Variants in MDGA2 observed in about 807,000 individuals in gnomAD.
The protein encoded by MDGA2 is MAM domain containing glycosylphosphatidylinositol anchor 2.
Under a neutral mutation model 117.8 loss-of-function variants are expected in MDGA2, and 40 were observed. The observed-to-expected ratio is 0.34, with a 90% CI of 0.26 to 0.44. The LOEUF is 0.44. Among genes scored for constraint, MDGA2 ranks in the 20% least tolerant of loss-of-function variants. The pLI, the probability that MDGA2 is intolerant of heterozygous loss-of-function variation, is 1.00. For synonymous variants in MDGA2, 452 were observed against 439.0 expected (o/e 1.03, Z -0.37); for missense variants, 1,123 against 1,250.6 (o/e 0.90, Z 1.54).
intron 3 of MDGA2, among the ~76,000 whole-genome samples, chr14:47,191,735 G>T (rs1245170093): frequency 6.6e-6 from 1 of 151,948 alleles, no homozygotes; most frequent in Non-Finnish European, 1.5e-5. Context: ...TGCAATTAAT[G>T]GACACATCAT....
At chr14:47,034,315 A>T (rs560162984) in intron 8 of MDGA2, among the ~76,000 whole-genome samples, 1 of 152,314 alleles carries the variant, frequency 6.6e-6, no homozygotes, top group African/African-American at 2.4e-5. Context: ...CTACATTTTT[A>T]ATTAGAACTA....
At chr14:47,366,649 T>G (rs2138381698) in intron 1 of MDGA2, among the ~76,000 whole-genome samples, 1 of 152,178 alleles carries the variant, frequency 6.6e-6, no homozygotes, top group African/African-American at 2.4e-5. Flanking sequence ...TACTATATTT[T>G]TAAAGTATAT....
intron 9 of MDGA2, among the ~76,000 whole-genome samples, chr14:46,929,580 C>CGT (rs375013114): frequency 0.017 from 551 of 32,946 alleles, 13 homozygotes; most frequent in African/African-American, 0.028. Context: ...AGTATATATA[C>CGT]GTGTGTGTGT....
intron 8 of MDGA2, among the ~76,000 whole-genome samples, chr14:47,017,682 T>A (rs971329308): frequency 3.9e-5 from 6 of 151,972 alleles, no homozygotes; most frequent in Non-Finnish European, 8.8e-5. Flanking sequence ...TTAAAAAAAA[T>A]TGCCCTCATT....
intron 8 of MDGA2, among the ~76,000 whole-genome samples, chr14:46,996,173 A>G (rs149582621): frequency 1.6e-4 from 25 of 152,290 alleles, no homozygotes; most frequent in African/African-American, 5.8e-4. Flanking sequence ...AAGTTTTGCC[A>G]TTGCTTTCAA....
intron 5 of MDGA2, among the ~76,000 whole-genome samples, chr14:47,106,620 C>T (rs528361228): frequency 1.3e-5 from 2 of 152,074 alleles, no homozygotes; most frequent in Non-Finnish European, 2.9e-5. Flanking sequence ...CTCTGACTGA[C>T]TCCTTCCCAG....
At chr14:47,654,543 A>G (rs887366246) in intron 1 of MDGA2, among the ~76,000 whole-genome samples, 2 of 152,108 alleles carry the variant, frequency 1.3e-5, no homozygotes, top group Non-Finnish European at 2.9e-5. Flanking sequence ...CCCAGCCAAT[A>G]TGTTCCAGTA....
At chr14:47,373,229 C>T (rs539809384) in intron 1 of MDGA2, among the ~76,000 whole-genome samples, 24 of 151,914 alleles carry the variant, frequency 1.6e-4, no homozygotes, top group Non-Finnish European at 2.9e-4. Flanking sequence ...CTAATTCATT[C>T]AATTAGCTTT....
chr14:47,189,051 G>A (rs1259572191), intron 3 of MDGA2, among the ~76,000 whole-genome samples: 1 of 152,056 alleles, frequency 6.6e-6, no homozygotes, highest in Non-Finnish European at 1.5e-5. Flanking sequence ...GTTGTTGTTG[G>A]TGACAGCTCA....
intron 3 of MDGA2, among the ~76,000 whole-genome samples, chr14:47,175,448 A>C (rs1884395361): frequency 6.7e-6 from 1 of 148,908 alleles, no homozygotes; most frequent in Non-Finnish European, 1.5e-5. Flanking sequence ...AAGCTTATCC[A>C]CCATGATCAA....
intron 2 of MDGA2, among the ~76,000 whole-genome samples, chr14:47,275,242 T>C (rs1202678987): frequency 6.6e-6 from 1 of 152,186 alleles, no homozygotes; most frequent in Non-Finnish European, 1.5e-5. Flanking sequence ...CATGATATAC[T>C]GTGAATTCCT....
rs139455194 is a variant in MDGA2 at position 47,246,437 on chromosome 14, T to G, written c.421-28242A>C. ...TCAATACCCTCCAGAAGGCTGCAAT[T>G]TCCCAAACTCCTTTCAGGCAACTCA... On this transcript the variant is annotated intron_variant, in intron 2 of 16. Transcript: ENST00000399232. Among the ~76,000 whole-genome samples the G allele has an allele frequency of 6.3e-4, 96 of 151,902 alleles. 2 individuals carry two copies. Among genetic ancestry groups the G allele is most frequent in the African/African-American group, 2.2e-3 (92 of 41,510 alleles).
intron 9 of MDGA2, among the ~76,000 whole-genome samples, chr14:46,943,873 A>T: frequency 6.6e-6 from 1 of 152,224 alleles, no homozygotes; most frequent in Non-Finnish European, 1.5e-5. Flanking sequence ...TGGCTGTAGC[A>T]TGAAAGCAGC....
At position 47,123,155 on chromosome 14, in the gene MDGA2, T is replaced by C. The variant is rs1176079781; in HGVS notation, c.925+8559A>G. On this transcript the variant is annotated intron_variant, in intron 5 of 16. Transcript: ENST00000399232. ...AAGGCTGTTTATTGTATCTGGATTA[T>C]GATATCTTCTGGGAGAGTTACTAGT... Among the ~76,000 whole-genome samples the C allele has an allele frequency of 5.3e-5, 8 of 152,186 alleles. No individual in the cohort carries two copies. In the East Asian group the frequency reaches 1.4e-3, roughly 26 times the overall value.
At chr14:47,093,877 AG>A (rs1403609949) in intron 6 of MDGA2, among the ~76,000 whole-genome samples, 3 of 152,114 alleles carry the variant, frequency 2.0e-5, no homozygotes, top group African/African-American at 7.2e-5. Context: ...ATGCTTACTC[AG>A]AAACCTGGTC....
At chr14:47,672,581 T>C (rs1049352274) in intron 1 of MDGA2, among the ~76,000 whole-genome samples, 4 of 152,136 alleles carry the variant, frequency 2.6e-5, no homozygotes, top group Non-Finnish European at 4.4e-5. Context: ...GTCCCCAACC[T>C]TTCTCACTTC....
At chr14:47,404,415 A>G (rs915610128) in intron 1 of MDGA2, among the ~76,000 whole-genome samples, 1 of 151,608 alleles carries the variant, frequency 6.6e-6, no homozygotes, top group Non-Finnish European at 1.5e-5. Context: ...CGAACTTCTG[A>G]CCTCAAGTGA....
intron 7 of MDGA2, among the ~76,000 whole-genome samples, chr14:47,051,649 T>C (rs1434662806): frequency 6.6e-6 from 1 of 151,872 alleles, no homozygotes; most frequent in Non-Finnish European, 1.5e-5. Context: ...ATTCCAACTG[T>C]AAAATGAAAC....
chr14:47,421,700 A>C (rs1474177760), intron 1 of MDGA2, among the ~76,000 whole-genome samples: 1 of 152,130 alleles, frequency 6.6e-6, no homozygotes, highest in Non-Finnish European at 1.5e-5. Context: ...GAGGAAACAA[A>C]ATCAAATTTA....
Sources: allele counts gnomAD v4.1 joint callset (sites outside exome capture counted in the v4.1 genomes callset), GRCh38; gene constraint gnomAD v4.1.1; transcripts MANE v1.5; gene names NCBI Gene and HGNC (gene_info 2026-07-23, HGNC 2026-07-21).